The following SPOCK3 variants were observed in gnomAD, a reference collection of about 807,000 sequenced individuals.
The protein encoded by SPOCK3 is testican-3.
Under a neutral mutation model 56.6 loss-of-function variants are expected in SPOCK3, and 30 were observed. The observed-to-expected ratio is 0.53, with a 90% CI of 0.40 to 0.72. SPOCK3 has a LOEUF of 0.72. SPOCK3 is among the 30% of genes least tolerant of loss of function. The pLI, the probability that SPOCK3 is intolerant of heterozygous loss-of-function variation, is 0.00. For synonymous variants in SPOCK3, 196 were observed against 183.3 expected (o/e 1.07, Z -0.56); for missense variants, 527 against 530.0 (o/e 0.99, Z 0.06).
chr4:167,046,665 C>T (rs999206145), intron 3 of SPOCK3, among the ~76,000 whole-genome samples: 22 of 151,614 alleles, frequency 1.5e-4, no homozygotes, highest in African/African-American at 5.3e-4. Context: ...ACTGTGTTGG[C>T]CAGGGTGGTC....
chr4:167,208,595 T>C (rs925733267), intron 2 of SPOCK3, among the ~76,000 whole-genome samples: 5 of 152,100 alleles, frequency 3.3e-5, no homozygotes, highest in African/African-American at 1.2e-4. Context: ...TAACTGGTCT[T>C]TATTTTTTTT....
chr4:167,040,260 T>C (rs1000485764), intron 3 of SPOCK3, among the ~76,000 whole-genome samples: 1 of 152,138 alleles, frequency 6.6e-6, no homozygotes, highest in Non-Finnish European at 1.5e-5. Flanking sequence ...AAAAGTAGCG[T>C]GTGATTATTT....
chr4:166,874,078 G>A (rs925179945), intron 6 of SPOCK3, among the ~76,000 whole-genome samples: 2 of 152,108 alleles, frequency 1.3e-5, no homozygotes, highest in African/African-American at 4.8e-5. Flanking sequence ...ATGCAGGGGA[G>A]AGAACAAAAT....
intron 2 of SPOCK3, among the ~76,000 whole-genome samples, chr4:167,162,088 G>A (rs555922606): frequency 2.6e-5 from 4 of 151,976 alleles, no homozygotes; most frequent in African/African-American, 9.6e-5. Flanking sequence ...AACAGGTCTT[G>A]CTAAACCACT....
chr4:167,019,081 T>C (rs1313579538), intron 3 of SPOCK3, among the ~76,000 whole-genome samples: 2 of 151,988 alleles, frequency 1.3e-5, no homozygotes, highest in Non-Finnish European at 2.9e-5. Context: ...CACCACCAAC[T>C]CATTATAAGT....
chr4:166,979,207 TCCTACCCAGAGTAAGCC>T (rs1746312298), intron 4 of SPOCK3, among the ~76,000 whole-genome samples: 1 of 152,106 alleles, frequency 6.6e-6, no homozygotes, highest in African/African-American at 2.4e-5. Flanking sequence ...GAGCTCCTCT[TCCTACCCAGAGTAAGCC>T]CCTATACACA....
chr4:167,153,374 C>A (rs1422767711), intron 2 of SPOCK3, among the ~76,000 whole-genome samples: 1 of 152,190 alleles, frequency 6.6e-6, no homozygotes, highest in Non-Finnish European at 1.5e-5. Context: ...TCTAGACTTT[C>A]TTTCTTAGAA....
intron 7 of SPOCK3, among the ~76,000 whole-genome samples, chr4:166,773,740 C>T (rs2126583805): frequency 6.6e-6 from 1 of 152,292 alleles, no homozygotes; most frequent in South Asian, 2.1e-4. Flanking sequence ...CATTAGCTCA[C>T]AATCTTTATC....
intron 6 of SPOCK3, chr4:166,883,085 A>C (rs988013586): frequency 6.6e-6 from 1 of 152,186 alleles, no homozygotes; most frequent in African/African-American, 2.4e-5. Flanking sequence ...CATAATTCAG[A>C]GGATATAAAA....
chr4:167,145,287 T>C (rs1156919264), intron 2 of SPOCK3, among the ~76,000 whole-genome samples: 2 of 152,136 alleles, frequency 1.3e-5, no homozygotes, highest in African/African-American at 4.8e-5. Context: ...AAGACCAGTA[T>C]TTCTGCTTTG....
chr4:166,848,320 GA>G (rs1213753112), intron 6 of SPOCK3, among the ~76,000 whole-genome samples: 1 of 152,100 alleles, frequency 6.6e-6, no homozygotes, highest in East Asian at 1.9e-4. Flanking sequence ...AGGAAAAGGG[GA>G]AAAAATACTA....
intron 3 of SPOCK3, among the ~76,000 whole-genome samples, chr4:167,005,581 A>G (rs1749383261): frequency 8.9e-6 from 1 of 112,038 alleles, no homozygotes; most frequent in African/African-American, 2.6e-5. Flanking sequence ...ACAGGGATGC[A>G]GAAACCATTA....
At chr4:167,051,036 T>C (rs1025117504) in intron 3 of SPOCK3, among the ~76,000 whole-genome samples, 59 of 152,168 alleles carry the variant, frequency 3.9e-4, no homozygotes, top group African/African-American at 1.3e-3. Flanking sequence ...TGAATGTACC[T>C]AATGCCCCTG....
At chr4:167,089,677 T>C (rs920525982) in intron 2 of SPOCK3, among the ~76,000 whole-genome samples, 2 of 152,192 alleles carry the variant, frequency 1.3e-5, no homozygotes, top group Non-Finnish European at 2.9e-5. Context: ...ATTTCTCCCT[T>C]TAGATGTACA....
At chr4:166,851,665 G>A (rs1411238648) in intron 6 of SPOCK3, among the ~76,000 whole-genome samples, 8 of 152,174 alleles carry the variant, frequency 5.3e-5, no homozygotes, top group African/African-American at 9.6e-5. Context: ...TGGAGAGGAT[G>A]TGGAGAAATA....
intron 4 of SPOCK3, among the ~76,000 whole-genome samples, chr4:166,985,768 T>A (rs1358256724): frequency 6.6e-6 from 1 of 152,184 alleles, no homozygotes; most frequent in Non-Finnish European, 1.5e-5. Context: ...GAGGATTATT[T>A]ATTCTATGAA....
chr4:167,159,449 C>T (rs1050452130), intron 2 of SPOCK3, among the ~76,000 whole-genome samples: 28 of 151,954 alleles, frequency 1.8e-4, no homozygotes, highest in African/African-American at 6.8e-4. Context: ...GAACATCCTT[C>T]TCTTAGAAGA....
At chr4:167,207,950 C>T (rs193124771) in intron 2 of SPOCK3, among the ~76,000 whole-genome samples, 139 of 152,210 alleles carry the variant, frequency 9.1e-4, no homozygotes, top group African/African-American at 2.9e-3. Context: ...TACATGACAA[C>T]GCATTTTAAT....
chr4:166,843,030 T>TG (rs935308756), intron 6 of SPOCK3, among the ~76,000 whole-genome samples: 11 of 152,140 alleles, frequency 7.2e-5, no homozygotes, highest in African/African-American at 2.4e-4. Context: ...CCGGCGCTGC[T>TG]GGGGGGCCTG....
Sources: allele counts gnomAD v4.1 joint callset (sites outside exome capture counted in the v4.1 genomes callset), GRCh38; gene constraint gnomAD v4.1.1; transcripts MANE v1.5; gene names NCBI Gene and HGNC (gene_info 2026-07-23, HGNC 2026-07-21).